Variants in RNF150 observed in about 807,000 individuals in gnomAD.
The protein encoded by RNF150 is ring finger protein 150.
In RNF150, 24 loss-of-function variants were observed where a neutral mutation model predicts 39.3. The observed-to-expected ratio is 0.61, with a 90% CI of 0.44 to 0.86. The LOEUF (loss-of-function observed/expected upper bound fraction) is 0.86, where lower values mean the gene tolerates loss of function less well. Ranked by LOEUF, RNF150 falls within the 40% of genes least tolerant of loss-of-function variation. The pLI is 0.00. For missense variants in RNF150, 502 were observed against 587.8 expected (o/e 0.85, Z 1.51); for synonymous variants, 255 against 227.3 (o/e 1.12, Z -1.10).
chr4:140,878,089 T>C (rs1418576361), intron 6 of RNF150, among the ~76,000 whole-genome samples: 1 of 152,094 alleles, frequency 6.6e-6, no homozygotes, highest in African/African-American at 2.4e-5. Flanking sequence ...CTTACTATTT[T>C]GTGTTTATTT....
intron 1 of RNF150, among the ~76,000 whole-genome samples, chr4:141,027,747 C>T (rs1042075762): frequency 1.6e-4 from 25 of 152,034 alleles, no homozygotes; most frequent in Non-Finnish European, 3.1e-4. Flanking sequence ...TAAGACTTAG[C>T]CCCTTAATGA....
intron 6 of RNF150, among the ~76,000 whole-genome samples, chr4:140,895,065 C>T (rs1368428338): frequency 6.6e-6 from 1 of 152,110 alleles, no homozygotes; most frequent in Non-Finnish European, 1.5e-5. Flanking sequence ...CTTTGTGGAT[C>T]CTGTTCATTA....
chr4:140,865,029 C>T lies in RNF150; in HGVS notation c.*3232G>A, dbSNP rs1182187313. On this transcript the variant is annotated 3_prime_UTR_variant, in exon 7 of 7. Coordinates refer to ENST00000515673, the MANE Select transcript of RNF150 (RefSeq NM_020724.2). The stretch of plus-strand genomic sequence containing the variant: ...TAACCTTCTTTTCTTTTGTAAGGGT[C>T]GGGGGATCTTGTGAGAATACTGGAG... The T allele has an allele frequency of 2.0e-5, 3 of 152,080 alleles. No homozygotes were observed. Among genetic ancestry groups the T allele is most frequent in the Admixed American group, 6.6e-5 (1 of 15,254 alleles). 9.4% of individuals were successfully genotyped at this position (152,080 alleles called of 1,614,324 possible). A position where few individuals can be genotyped will look rare whatever the true frequency, so the allele number is the denominator to read the frequency against.
rs1726942569 is a variant in RNF150, at chr4:141,132,865, C to A, written c.-57G>T. The A allele has an allele frequency of 2.1e-6, 3 of 1,451,750 alleles. No homozygotes were observed. Among genetic ancestry groups the A allele is most frequent in the African/African-American group, 1.4e-5 (1 of 70,568 alleles). The allele number at this position is 1,451,750 out of a possible 1,614,324, so 89.9% of individuals were successfully genotyped here. Reference sequence around the variant, plus strand: ...GCGCCCTCCCTCCGTCCCGTCCCTCCTCCCCAGCCCCGGCCAACCCCGGGC... The same window carrying A: ...GCGCCCTCCCTCCGTCCCGTCCCTCATCCCCAGCCCCGGCCAACCCCGGGC... On this transcript the variant is annotated 5_prime_UTR_variant, in exon 1 of 7. The change creates a new upstream start codon in the 5' untranslated region. Coordinates refer to ENST00000515673, the MANE Select transcript of RNF150 (RefSeq NM_020724.2). The surrounding 1 kb of genome is among the most constrained non-coding windows in gnomAD (Gnocchi z 4.9).
At chr4:140,957,307 C>T (rs1185257537) in intron 2 of RNF150, among the ~76,000 whole-genome samples, 4 of 151,954 alleles carry the variant, frequency 2.6e-5, no homozygotes, top group East Asian at 1.9e-4. Context: ...AAAATGCTCA[C>T]CATCACTGGC....
chr4:141,190,524 C>T (rs1728092250), intron 1 of RNF150, among the ~76,000 whole-genome samples: 1 of 152,178 alleles, frequency 6.6e-6, no homozygotes, highest in Admixed American at 6.5e-5. Flanking sequence ...GGAGTAAATT[C>T]ACCAACAACT....
At chr4:141,109,802 A>ATTG (rs1172232134) in intron 1 of RNF150, among the ~76,000 whole-genome samples, 17 of 152,202 alleles carry the variant, frequency 1.1e-4, no homozygotes, top group Non-Finnish European at 2.5e-4. Flanking sequence ...GATAGCAATT[A>ATTG]AGAAAACAAG....
chr4:141,182,128 A>C (rs1727918189), intron 1 of RNF150, among the ~76,000 whole-genome samples: 1 of 150,930 alleles, frequency 6.6e-6, no homozygotes, highest in African/African-American at 2.4e-5. Flanking sequence ...AAAATTCAAC[A>C]ACCCTTCATG....
At chr4:140,879,409 A>C (rs1160371306) in intron 6 of RNF150, among the ~76,000 whole-genome samples, 1 of 145,436 alleles carries the variant, frequency 6.9e-6, no homozygotes, top group Non-Finnish European at 1.5e-5. Context: ...TTTTTAAGCA[A>C]TGTTTTAAGT....
At chr4:141,139,608 T>C (rs984885277) in intron 1 of RNF150, among the ~76,000 whole-genome samples, 11 of 152,216 alleles carry the variant, frequency 7.2e-5, no homozygotes, top group Non-Finnish European at 1.3e-4. Context: ...AGTAAATGTG[T>C]TGAATAATAA....
intron 1 of RNF150, among the ~76,000 whole-genome samples, chr4:140,983,276 C>A (rs1464109650): frequency 6.6e-6 from 1 of 152,122 alleles, no homozygotes; most frequent in East Asian, 1.9e-4. Context: ...CACAGAACTT[C>A]AAGAATTTAT....
chr4:141,052,086 G>A (rs1423342297), intron 1 of RNF150, among the ~76,000 whole-genome samples: 26 of 152,222 alleles, frequency 1.7e-4, no homozygotes, highest in Admixed American at 1.3e-3. Context: ...CAGATCTCAT[G>A]AGACTCATTC....
intron 5 of RNF150, among the ~76,000 whole-genome samples, chr4:140,918,260 T>G (rs1385467698): frequency 6.6e-6 from 1 of 152,132 alleles, no homozygotes; most frequent in African/African-American, 2.4e-5. Context: ...GGAGCTGGTT[T>G]CTTGAAAACA....
At chr4:141,080,339 T>C (rs1738101233) in intron 1 of RNF150, among the ~76,000 whole-genome samples, 2 of 152,196 alleles carry the variant, frequency 1.3e-5, no homozygotes, top group Admixed American at 6.5e-5. Context: ...CAATGACAAA[T>C]ACGAAACAAA....
chr4:140,991,002 T>C (rs966511450), intron 1 of RNF150, among the ~76,000 whole-genome samples: 1 of 152,216 alleles, frequency 6.6e-6, no homozygotes, highest in Non-Finnish European at 1.5e-5. Flanking sequence ...CATCTGTTGT[T>C]TCTTGACTGT....
chr4:141,191,078 G>C (rs1246821086), intron 1 of RNF150, among the ~76,000 whole-genome samples: 2 of 152,174 alleles, frequency 1.3e-5, no homozygotes, highest in East Asian at 3.9e-4. Flanking sequence ...CATTGTAATG[G>C]AGAAGAGATG....
intron 2 of RNF150, among the ~76,000 whole-genome samples, chr4:140,959,904 C>T (rs1227550034): frequency 8.6e-5 from 13 of 152,032 alleles, no homozygotes; most frequent in Non-Finnish European, 1.5e-5. Context: ...GGCTACAGAG[C>T]GCTTCTGCAA....
chr4:141,103,099 C>T (rs1739071984), intron 1 of RNF150, among the ~76,000 whole-genome samples: 1 of 152,200 alleles, frequency 6.6e-6, no homozygotes, highest in South Asian at 2.1e-4. Flanking sequence ...GTGTAGGCTC[C>T]ATCAGTTGTA....
At chr4:140,985,228 C>G (rs1468174974) in intron 1 of RNF150, among the ~76,000 whole-genome samples, 1 of 151,990 alleles carries the variant, frequency 6.6e-6, no homozygotes, top group Non-Finnish European at 1.5e-5. Flanking sequence ...TGAATTTTGC[C>G]CCTCCCATTT....
Sources: allele counts gnomAD v4.1 joint callset (sites outside exome capture counted in the v4.1 genomes callset), GRCh38; gene constraint gnomAD v4.1.1; non-coding constraint Gnocchi (gnomAD v3.1); transcripts MANE v1.5; gene names NCBI Gene and HGNC (gene_info 2026-07-23, HGNC 2026-07-21).